Variants in MYB observed in about 807,000 individuals in gnomAD.
MYB encodes MYB proto-oncogene, transcription factor, also known as transcriptional activator Myb.
MYB carries 28 observed loss-of-function variants against 92.9 expected under a neutral mutation model. The observed-to-expected ratio is 0.30, with a 90% CI of 0.22 to 0.41. The LOEUF (loss-of-function observed/expected upper bound fraction) is 0.41. Among genes scored for constraint, MYB ranks in the 10% least tolerant of loss-of-function variants. MYB has a pLI of 1.00. For missense variants in MYB, 679 were observed against 929.3 expected (o/e 0.73, Z 3.50); for synonymous variants, 295 against 329.1 (o/e 0.90, Z 1.12).
chr6:135,216,499 A>G (rs1418608330), intron 15 of MYB, among the ~76,000 whole-genome samples: 5 of 152,224 alleles, frequency 3.3e-5, no homozygotes, highest in African/African-American at 1.2e-4. Flanking sequence ...AGCTAATACA[A>G]TGTAAATGCT....
intron 15 of MYB, among the ~76,000 whole-genome samples, chr6:135,206,223 AAAAATAAT>A (rs1562391274): frequency 1.5e-5 from 2 of 130,720 alleles, no homozygotes. Flanking sequence ...AAAAAAAAAA[AAAAATAAT>A]AATAATAATA....
intron 4 of MYB, 65 bp downstream of exon 4, chr6:135,189,948 C>G (rs944742572): frequency 1.1e-5 from 17 of 1,519,016 alleles, no homozygotes; most frequent in Non-Finnish European, 1.4e-5. Context: ...CTAATATTTT[C>G]CTATTTGAGG....
At chr6:135,186,743 G>A (rs188648644) in intron 2 of MYB, among the ~76,000 whole-genome samples, 109 of 152,118 alleles carry the variant, frequency 7.2e-4, no homozygotes, top group African/African-American at 2.4e-3. Context: ...TTTCTTTTTC[G>A]GCTGGCTTAT....
At chr6:135,202,082 TGTTAA>T (rs1223615789) in intron 14 of MYB, among the ~76,000 whole-genome samples, 1 of 152,228 alleles carries the variant, frequency 6.6e-6, no homozygotes, top group African/African-American at 2.4e-5. Context: ...ATTGTCTTCT[TGTTAA>T]GTTGTCTCTT....
At chr6:135,203,785 A>T in intron 15 of MYB, 1 of 1,310,008 alleles carries the variant, frequency 7.6e-7, no homozygotes, top group Non-Finnish European at 1.0e-6. Flanking sequence ...AAATAATTGC[A>T]ATGTATTTGA....
In MYB at chr6:135,192,365, G is replaced by A; in HGVS notation, c.569G>A (p.Arg190His). 1.9e-6 allele frequency: 3 copies of A among 1,614,194 alleles called. No individual in the cohort carries two copies. Among genetic ancestry groups the A allele is most frequent in the Non-Finnish European group, 2.5e-6 (3 of 1,180,010 alleles). The stretch of plus-strand genomic sequence containing the variant: ...AAGAACCACTGGAATTCTACAATGC[G>A]TCGGAAGGTCGAACAGGAAGGTTAT... ...AIKNHWNSTMRRKVEQEGYLQ... is the reference protein window; with the variant it reads ...AIKNHWNSTMHRKVEQEGYLQ... Residue 190 changes from arginine to histidine, a missense_variant, in exon 6 of 16, where the codon CGT becomes CAT. Physicochemically the swap from Arg to His is conservative, Grantham distance 29 (BLOSUM62 0). Around this residue, in one of 8 missense-constraint regions of MYB, gnomAD observed 37 missense variants for 98.0 expected, o/e 0.38. Transcript: ENST00000341911.
chr6:135,186,701 G>A (rs761006608), intron 2 of MYB, among the ~76,000 whole-genome samples: 80 of 152,162 alleles, frequency 5.3e-4, no homozygotes, highest in Non-Finnish European at 8.4e-4. Flanking sequence ...AAAATCATCC[G>A]ATAATGGATG....
chr6:135,195,632 C>T, intron 8 of MYB, 116 bp from the exon 9 acceptor site: 7 of 1,178,880 alleles, frequency 5.9e-6, no homozygotes, highest in Non-Finnish European at 7.3e-6. Flanking sequence ...TGGGATGATG[C>T]AACTACTCTT....
At chr6:135,207,001 A>G (rs1779036844) in intron 15 of MYB, among the ~76,000 whole-genome samples, 1 of 152,150 alleles carries the variant, frequency 6.6e-6, no homozygotes, top group Non-Finnish European at 1.5e-5. Flanking sequence ...ATTCAATAAT[A>G]TTTCTATAGA....
intron 15 of MYB, among the ~76,000 whole-genome samples, chr6:135,208,728 T>G (rs1779322953): frequency 6.6e-6 from 1 of 152,172 alleles, no homozygotes; most frequent in Admixed American, 6.6e-5. Flanking sequence ...TTTATTCTCA[T>G]GTACTTCCAG....
intron 15 of MYB, among the ~76,000 whole-genome samples, chr6:135,205,842 G>A (rs1205239267): frequency 1.3e-5 from 2 of 152,170 alleles, no homozygotes; most frequent in Non-Finnish European, 2.9e-5. Context: ...AGCCAAGACT[G>A]GAGGATAGCT....
rs9321495 is a variant in MYB at position 135,207,467 on chromosome 6, C to G, written c.2169+4143C>G. On this transcript the variant is annotated intron_variant, in intron 15 of 15. Coordinates refer to ENST00000341911, the MANE Select transcript of MYB (RefSeq NM_001130173.2). ...TGTTTTATCATTTCAGTTTTAATCA[C>G]CCCGGCTTGATTATGGCAACAACAT... 9.0e-3 allele frequency among the ~76,000 whole-genome samples: 1,364 copies of G among 152,326 alleles called. 21 individuals carry two copies. The highest frequency in any genetic ancestry group is 0.031 in the African/African-American group (1,304 of 41,560).
chr6:135,185,304 G>A (rs34117575), intron 1 of MYB, among the ~76,000 whole-genome samples: 6,658 of 152,250 alleles, frequency 0.044, 201 homozygotes, highest in Non-Finnish European at 0.065. Context: ...ATCACTCAAT[G>A]TTCTTATCTT....
intron 8 of MYB, chr6:135,194,695 A>G (rs1777058134): frequency 1.8e-6 from 1 of 564,608 alleles, no homozygotes; most frequent in African/African-American, 1.9e-5. Context: ...TATGATTGTT[A>G]TCATCAATTT....
intron 7 of MYB, 90 bp downstream of exon 7, chr6:135,194,008 T>A: frequency 9.4e-7 from 1 of 1,061,584 alleles, no homozygotes; most frequent in Non-Finnish European, 1.4e-6. Flanking sequence ...CCTGAGCAAC[T>A]AAAGTAAAAA....
chr6:135,214,188 G>T (rs570247276), intron 15 of MYB, among the ~76,000 whole-genome samples: 29 of 151,850 alleles, frequency 1.9e-4, no homozygotes, highest in African/African-American at 6.5e-4. Flanking sequence ...AGGCTGAGGC[G>T]GGAGGCTTGC....
At chr6:135,185,253 G>A (rs553653685) in intron 1 of MYB, among the ~76,000 whole-genome samples, 1 of 152,260 alleles carries the variant, frequency 6.6e-6, no homozygotes, top group Non-Finnish European at 1.5e-5. Flanking sequence ...GGAGTTGTGA[G>A]CAATTTGGTA....
intron 15 of MYB, among the ~76,000 whole-genome samples, chr6:135,212,501 A>G (rs969421295): frequency 3.9e-5 from 6 of 152,098 alleles, no homozygotes; most frequent in Non-Finnish European, 8.8e-5. Flanking sequence ...TCTACAAAAG[A>G]TGGCAATATT....
intron 8 of MYB, chr6:135,195,090 T>G (rs1164471537): frequency 1.6e-6 from 2 of 1,270,762 alleles, no homozygotes; most frequent in Non-Finnish European, 2.0e-6. Flanking sequence ...CAGTAGGTAT[T>G]CCTAGGGGTA....
Sources: allele counts gnomAD v4.1 joint callset (sites outside exome capture counted in the v4.1 genomes callset), GRCh38; gene constraint gnomAD v4.1.1; regional missense constraint gnomAD v4.1.1; transcripts MANE v1.5; gene names NCBI Gene and HGNC (gene_info 2026-07-23, HGNC 2026-07-21).